Variants in TRIM6 observed in about 807,000 individuals in gnomAD.
The protein encoded by TRIM6 is tripartite motif-containing protein 6.
Under a neutral mutation model 51.2 loss-of-function variants are expected in TRIM6, and 43 were observed. The ratio of observed to expected loss-of-function variants is 0.84; its 90% CI spans 0.66 to 1.08. TRIM6 has a LOEUF of 1.08. Among genes scored for constraint, TRIM6 ranks in the 50% least tolerant of loss-of-function variants. TRIM6 has a pLI of 0.00. For missense variants in TRIM6, 669 were observed against 619.0 expected (o/e 1.08, Z -0.86); for synonymous variants, 215 against 232.4 (o/e 0.93, Z 0.68).
At chr11:5,608,253 C>G in intron 4 of TRIM6, 119 bp from the exon 5 acceptor site, 2 of 1,455,140 alleles carry the variant, frequency 1.4e-6, no homozygotes, top group South Asian at 1.4e-5. Context: ...ACTTTGTGGC[C>G]TCCACATTAG....
At chr11:5,604,710 C>G in intron 3 of TRIM6, 81 bp downstream of exon 3, 1 of 1,431,952 alleles carries the variant, frequency 7.0e-7, no homozygotes, top group East Asian at 2.3e-5. Flanking sequence ...GAGTCCTTGT[C>G]CTGTCTGTCC....
Position 5,610,985 on chromosome 11 carries a change from G to C in TRIM6, c.1194G>C (p.Gly398=), listed in dbSNP as rs778037310. 1 of 1,614,038 alleles carries C rather than the reference G, an allele frequency of 6.2e-7. No homozygotes were observed. The highest frequency in any genetic ancestry group is 8.5e-7 in the Non-Finnish European group (1 of 1,179,992). Reference sequence around the variant, plus strand: ...CCAAGAAGACTGCCTGGATCCTGGGGGTATGCAGCAATTCACTGGGACCTA... The same window carrying C: ...CCAAGAAGACTGCCTGGATCCTGGGCGTATGCAGCAATTCACTGGGACCTA... ...DVAKKTAWIL[G]VCSNSLGPTF... The change falls in exon 8 of 8, where the codon GGG becomes GGC. Residue 398 remains glycine, a synonymous_variant. Coordinates refer to ENST00000380097, the MANE Select transcript of TRIM6 (RefSeq NM_001003818.3).
At chr11:5,609,266 C>T (rs1590115208) in intron 5 of TRIM6, among the ~76,000 whole-genome samples, 1 of 152,106 alleles carries the variant, frequency 6.6e-6, no homozygotes. Flanking sequence ...CTGTACTCTC[C>T]GTTTGGAGGT....
intron 1 of TRIM6, among the ~76,000 whole-genome samples, chr11:5,602,870 C>T (rs924836358): frequency 1.5e-4 from 23 of 152,072 alleles, no homozygotes; most frequent in Admixed American, 1.4e-3. Context: ...AGGAGAATTG[C>T]TTGAACCTGG....
intron 4 of TRIM6, 149 bp from the exon 5 acceptor site, chr11:5,608,223 C>A: frequency 8.6e-7 from 1 of 1,159,536 alleles, no homozygotes; most frequent in Non-Finnish European, 1.2e-6. Context: ...TAGGGACAGT[C>A]TGCCCTGAGT....
chr11:5,597,365 C>T lies in TRIM6; in HGVS notation c.17+451C>T, dbSNP rs187462370. ...CCATGCCTAGCTTTAAAAAAATGCA[C>T]AATCAAAACAATTTTTAAATTATAG... On this transcript the variant is annotated intron_variant, in intron 1 of 7. Transcript: ENST00000380097. 4.8e-4 allele frequency among the ~76,000 whole-genome samples: 73 copies of T among 152,196 alleles called. No homozygotes were observed. The East Asian group carries it at 7.9e-3, about 16-fold the overall frequency.
At chr11:5,605,658 C>G (rs1006224721) in intron 4 of TRIM6, 91 bp downstream of exon 4, 30 of 1,438,798 alleles carry the variant, frequency 2.1e-5, no homozygotes, top group Non-Finnish European at 2.3e-5. Context: ...ACCATCGTTG[C>G]AGGGACAAGA....
intron 2 of TRIM6, among the ~76,000 whole-genome samples, chr11:5,603,952 T>C (rs1848036277): frequency 6.6e-6 from 1 of 151,926 alleles, no homozygotes; most frequent in Non-Finnish European, 1.5e-5. Context: ...ACTTGGTTGA[T>C]TGAGTGTGGA....
At chr11:5,597,128 C>G (rs578131164) in intron 1 of TRIM6, among the ~76,000 whole-genome samples, 1 of 152,320 alleles carries the variant, frequency 6.6e-6, no homozygotes, top group South Asian at 2.1e-4. Context: ...ATGCCGCAGC[C>G]AGACTGCATG....
chr11:5,604,480 G>A (rs776198114), intron 2 of TRIM6, 54 bp from the exon 3 acceptor site: 13 of 1,571,700 alleles, frequency 8.3e-6, no homozygotes, highest in Non-Finnish European at 1.1e-5. Context: ...CTATGTCTGG[G>A]TACTGAGTCA....
At position 5,611,274 on chromosome 11, in the gene TRIM6, ACT is replaced by A. The variant is rs1204055824; in HGVS notation, c.1486_1487del (p.Cys497SerfsTer4). 5 of 1,612,948 alleles carry A rather than the reference ACT, an allele frequency of 3.1e-6. No homozygotes were observed. The highest frequency in any genetic ancestry group is 1.3e-5 in the African/African-American group (1 of 74,534). On this transcript the variant is annotated frameshift_variant, in exon 8 of 8. Transcript: ENST00000380097. LOFTEE classifies it high-confidence loss of function. ...YTFSKYYFPT[T>X]LCPYFNPCNC... is the part of the protein sequence containing the mutation. ...TTTCTCTAAATATTACTTTCCCACT[ACT>A]CTTTGTCCATATTTTAATCCTTGCA... is the stretch of plus-strand genomic sequence containing the variant.
chr11:5,599,447 A>G (rs1847693390), intron 1 of TRIM6, among the ~76,000 whole-genome samples: 1 of 150,506 alleles, frequency 6.6e-6, no homozygotes, highest in Non-Finnish European at 1.5e-5. Context: ...TCTGTCGCCC[A>G]GGCTGGAGTG....
intron 1 of TRIM6, among the ~76,000 whole-genome samples, chr11:5,600,525 A>C (rs7121942): frequency 3.9e-5 from 6 of 152,218 alleles, no homozygotes; most frequent in African/African-American, 1.2e-4. Context: ...TTATGCTTAC[A>C]TCCCATGACT....
chr11:5,611,036 A>C lies in TRIM6; in HGVS notation c.1245A>C (p.Gln415His), dbSNP rs769562027. Residue 415 changes from glutamine to histidine, a missense_variant, in exon 8 of 8, where the codon CAA (glutamine) becomes CAC (histidine). Coordinates refer to ENST00000380097, the MANE Select transcript of TRIM6 (RefSeq NM_001003818.3). The stretch of plus-strand genomic sequence containing the variant: ...CATTCTCTTTCAACCATTTTGCTCA[A>C]AATCACAGTGCTTACTCCAGGTATC... Reference protein sequence around the residue: ...GPTFSFNHFAQNHSAYSRYQP... With the variant: ...GPTFSFNHFAHNHSAYSRYQP... 3.7e-6 allele frequency: 6 copies of C among 1,614,030 alleles called. No homozygotes were observed. The highest frequency in any genetic ancestry group is 2.7e-5 in the African/African-American group (2 of 74,914).
intron 5 of TRIM6, among the ~76,000 whole-genome samples, chr11:5,609,376 C>T (rs1848426624): frequency 6.6e-6 from 1 of 152,098 alleles, no homozygotes; most frequent in Non-Finnish European, 1.5e-5. Flanking sequence ...GGGCCTAAGC[C>T]CACAGACTCT....
Position 5,596,799 on chromosome 11 carries a change from G to T in TRIM6, c.-99G>T. 2 of 1,597,652 alleles carry T rather than the reference G, an allele frequency of 1.3e-6. No individual in the cohort carries two copies. The highest frequency in any genetic ancestry group is 2.2e-5 in the South Asian group (2 of 90,690). Reference sequence around the variant, plus strand: ...GATAAAAGCCGAGTGAGCGCGCTCTGTTCCTTAAGATTAGTTTAAGGTGCC... The same window carrying T: ...GATAAAAGCCGAGTGAGCGCGCTCTTTTCCTTAAGATTAGTTTAAGGTGCC... On this transcript the variant is annotated 5_prime_UTR_variant, in exon 1 of 8. Transcript: ENST00000380097.
chr11:5,607,261 A>T (rs1848281573), intron 4 of TRIM6, among the ~76,000 whole-genome samples: 1 of 152,190 alleles, frequency 6.6e-6, no homozygotes, highest in Non-Finnish European at 1.5e-5. Flanking sequence ...ACATAAAGCC[A>T]ACATAAGAGA....
At position 5,596,918 on chromosome 11, in the gene TRIM6, T is replaced by A. The variant is rs772502533; in HGVS notation, c.17+4T>A. The A allele has an allele frequency of 9.3e-6, 15 of 1,614,000 alleles. No homozygotes were observed. The Admixed American group carries it at 2.2e-4, about 23-fold the overall frequency. On this transcript the variant is annotated splice_donor_region_variant and intron_variant, in intron 1 of 7. Transcript: ENST00000380097. ...CCCAGATGTGCGGGTCAGAGAGGTATGTCTACCGTTCTGTTGACTGGCTCT... is the reference window on the plus strand; with the variant it reads ...CCCAGATGTGCGGGTCAGAGAGGTAAGTCTACCGTTCTGTTGACTGGCTCT...
At chr11:5,610,279 A>G (rs1848491772) in intron 6 of TRIM6, 34 bp downstream of exon 6, 2 of 1,613,668 alleles carry the variant, frequency 1.2e-6, no homozygotes, top group East Asian at 4.5e-5. Flanking sequence ...TTTGGATGTG[A>G]AATTACTGTC....
Sources: allele counts gnomAD v4.1 joint callset (sites outside exome capture counted in the v4.1 genomes callset), GRCh38; gene constraint gnomAD v4.1.1; transcripts MANE v1.5; gene names NCBI Gene and HGNC (gene_info 2026-07-23, HGNC 2026-07-21).